The following PNPLA7 variants were observed in gnomAD, a reference collection of about 807,000 sequenced individuals.
The protein encoded by PNPLA7 is patatin-like phospholipase domain-containing protein 7.
A neutral mutation model predicts 161.7 loss-of-function variants in PNPLA7; 153 were observed. That is an observed-to-expected ratio of 0.95 (90% CI 0.83 to 1.08). The LOEUF is 1.08. Among genes scored for constraint, PNPLA7 ranks in the 50% least tolerant of loss-of-function variants. PNPLA7 has a pLI of 0.00. For missense variants in PNPLA7, 1,739 were observed against 1,856.6 expected (o/e 0.94, Z 1.16); for synonymous variants, 809 against 782.1 (o/e 1.03, Z -0.57).
At position 137,490,255 on chromosome 9, in the gene PNPLA7, G is replaced by A. The variant is rs754809845; in HGVS notation, c.2197+2758C>T. 6.6e-6 allele frequency among the ~76,000 whole-genome samples: 1 copy of A among 152,096 alleles called. No homozygotes were observed. The highest frequency in any genetic ancestry group is 1.5e-5 in the Non-Finnish European group (1 of 68,024). ...ACGACAGGTGTGTGCTAACATGCCT[G>A]GATCATTTTTCAAATTTTATTCATA... is the stretch of plus-strand genomic sequence containing the variant. On this transcript the variant is annotated intron_variant, in intron 20 of 34. Transcript: ENST00000406427. The surrounding 1 kb of genome is among the most constrained non-coding windows in gnomAD (Gnocchi z 4.1).
intron 18 of PNPLA7, among the ~76,000 whole-genome samples, chr9:137,495,690 G>A (rs569215321): frequency 2.6e-5 from 4 of 152,244 alleles, no homozygotes; most frequent in African/African-American, 4.8e-5. Flanking sequence ...ATGGTCCGCC[G>A]CCTCGGCCTC....
At chr9:137,532,706 G>C (rs146499188) in intron 8 of PNPLA7, among the ~76,000 whole-genome samples, 1 of 152,146 alleles carries the variant, frequency 6.6e-6, no homozygotes, top group African/African-American at 2.4e-5. Context: ...GCCAGAACGA[G>C]GCTAACATGC....
At chr9:137,507,316 T>A (rs1279205977) in intron 12 of PNPLA7, among the ~76,000 whole-genome samples, 1 of 152,234 alleles carries the variant, frequency 6.6e-6, no homozygotes, top group Admixed American at 6.5e-5. Flanking sequence ...GCAGCCCCTT[T>A]ACCTGGCTGC....
chr9:137,505,903 G>T, intron 13 of PNPLA7, 80 bp downstream of exon 13: 1 of 1,532,722 alleles, frequency 6.5e-7, no homozygotes, highest in Non-Finnish European at 8.9e-7. Context: ...CACCAAAGCC[G>T]GCGGCGCCCC....
In PNPLA7 at chr9:137,479,083, G is replaced by C. The variant is rs1009611504; in HGVS notation, c.2736C>G (p.Val912=). ...GCTTGGGCAGGCTCCTCCTGGAGAA[G>C]ACGCGGCGCGGGCAGCAGAGGTGCA... ...GHLHLCCPRR[V]FSRRSLPKLV... The change falls in exon 24 of 35, where the codon GTC becomes GTG. Residue 912 remains valine (V), a synonymous_variant. Transcript: ENST00000406427. 1.3e-6 allele frequency: 2 copies of C among 1,595,496 alleles called. No individual in the cohort carries two copies. The highest frequency in any genetic ancestry group is 1.7e-6 in the Non-Finnish European group (2 of 1,170,286).
intron 1 of PNPLA7, among the ~76,000 whole-genome samples, chr9:137,549,569 CAAA>C (rs57732454): frequency 2.1e-5 from 2 of 96,048 alleles, no homozygotes; most frequent in Admixed American, 1.1e-4. Context: ...GACTCCGTCT[CAAA>C]AAAAAAAAAA....
rs1190311222 is a variant in PNPLA7 at position 137,524,497 on chromosome 9, C to G, written c.748-1640G>C. 6.6e-6 allele frequency among the ~76,000 whole-genome samples: 1 copy of G among 152,228 alleles called. No individual in the cohort carries two copies. ...ATATTTGTGTTGTTTCCACTGGGGA[C>G]AATTCTAAATAAAGCTGCTTGATAA... On this transcript the variant is annotated intron_variant, in intron 8 of 34. Coordinates refer to ENST00000406427, the MANE Select transcript of PNPLA7 (RefSeq NM_001098537.3). This position sits in a 1 kb window ranked among gnomAD's most constrained non-coding sequence, Gnocchi z 4.4.
intron 14 of PNPLA7, among the ~76,000 whole-genome samples, chr9:137,505,297 C>T (rs1245106067): frequency 6.6e-6 from 1 of 150,546 alleles, no homozygotes; most frequent in Non-Finnish European, 1.5e-5. Context: ...TAAAGTGAAG[C>T]TGGGAAAATG....
intron 11 of PNPLA7, among the ~76,000 whole-genome samples, chr9:137,516,762 G>A (rs921202427): frequency 1.3e-5 from 2 of 151,742 alleles, no homozygotes; most frequent in African/African-American, 2.4e-5. Flanking sequence ...GGGTGGCAGT[G>A]AGCCAGTACC....
In PNPLA7 at chr9:137,495,162, G is replaced by A. The variant is rs752582826; in HGVS notation, c.2014-16C>T. The A allele has an allele frequency of 1.8e-5, 28 of 1,571,638 alleles. No individual in the cohort carries two copies. The highest frequency in any genetic ancestry group is 1.4e-4 in the East Asian group (6 of 44,302). On this transcript the variant is annotated splice_polypyrimidine_tract_variant and intron_variant, in intron 18 of 34. Transcript: ENST00000406427. ...GTGTCTCCACCTGAGGACAGGAGCC[G>A]GCTGCTGGGGCCGCGGGCTTGGGAG...
chr9:137,513,998 G>A (rs542480604), intron 12 of PNPLA7, among the ~76,000 whole-genome samples: 68 of 152,384 alleles, frequency 4.5e-4, no homozygotes, highest in African/African-American at 1.5e-3. Flanking sequence ...CTGCACTGCC[G>A]GGCAGGATGG....
intron 14 of PNPLA7, among the ~76,000 whole-genome samples, chr9:137,502,631 C>CG (rs1327269140): frequency 1.8e-5 from 1 of 54,666 alleles, no homozygotes; most frequent in Non-Finnish European, 3.6e-5. Context: ...GAGAAGAAAG[C>CG]GGCCTCCCTG....
Position 137,495,524 on chromosome 9 carries a change from A to G in PNPLA7, c.2014-378T>C, listed in dbSNP as rs542579959. On this transcript the variant is annotated intron_variant, in intron 18 of 34. Coordinates refer to ENST00000406427, the MANE Select transcript of PNPLA7 (RefSeq NM_001098537.3). ...AGTGGTGCGATCTCGGCTCACTGCA[A>G]GCTCCACCTCCTGGGTTCACGCCAT... is the stretch of plus-strand genomic sequence containing the variant. Among the ~76,000 whole-genome samples the G allele has an allele frequency of 1.2e-3, 178 of 151,854 alleles. 1 individual carries two copies. Among genetic ancestry groups the G allele is most frequent in the African/African-American group, 4.1e-3 (169 of 41,394 alleles).
At chr9:137,491,172 A>G (rs572529323) in intron 20 of PNPLA7, among the ~76,000 whole-genome samples, 3 of 152,206 alleles carry the variant, frequency 2.0e-5, no homozygotes, top group Non-Finnish European at 2.9e-5. Flanking sequence ...GGGGGGGGGA[A>G]TCACTTGACC....
At chr9:137,478,665 A>G (rs1832054985) in intron 24 of PNPLA7, 1 of 187,614 alleles carries the variant, frequency 5.3e-6, no homozygotes, top group African/African-American at 2.3e-5. Flanking sequence ...GGACACCCTC[A>G]TCAGCTGGAT....
chr9:137,481,057 T>A (rs1399639499), intron 21 of PNPLA7, 34 bp from the exon 22 acceptor site: 2 of 1,550,116 alleles, frequency 1.3e-6, no homozygotes, highest in African/African-American at 2.7e-5. Context: ...GGAGCCTGCC[T>A]GGGCAGCCCA....
chr9:137,542,958 A>C (rs1015744596), intron 6 of PNPLA7, among the ~76,000 whole-genome samples, 157 bp from the exon 7 acceptor site: 2 of 152,206 alleles, frequency 1.3e-5, no homozygotes, highest in African/African-American at 4.8e-5. Flanking sequence ...ATTACTGCCA[A>C]ACACAACCGT....
At position 137,463,033 on chromosome 9, in the gene PNPLA7, C is replaced by T. The variant is rs41309972; in HGVS notation, c.3344-200G>A. Reference sequence around the variant, plus strand: ...CGGCTGTGTCCTGGGCCTTTCTGACCGTATATCCCACAGGTGACAGGAGTG... The same window carrying T: ...CGGCTGTGTCCTGGGCCTTTCTGACTGTATATCCCACAGGTGACAGGAGTG... On this transcript the variant is annotated intron_variant, in intron 29 of 34. Coordinates refer to ENST00000406427, the MANE Select transcript of PNPLA7 (RefSeq NM_001098537.3). 2.3e-5 allele frequency: 17 copies of T among 737,316 alleles called. 1 individual carries two copies. The Admixed American group carries it at 2.3e-4, about 10-fold the overall frequency. 45.7% of individuals were successfully genotyped at this position (737,316 alleles called of 1,614,324 possible). A position where few individuals can be genotyped will look rare whatever the true frequency, so the allele number is the denominator to read the frequency against.
In PNPLA7 at chr9:137,499,748, C is replaced by T. The variant is rs374949918; in HGVS notation, c.1757+943G>A. ...TCCCCAGGCTGAAGCAGCAACGGCG[C>T]GGTGCCATTTGCTGGATTACAGGCG... On this transcript the variant is annotated intron_variant, in intron 16 of 34. Transcript: ENST00000406427. The surrounding 1 kb of genome is among the most constrained non-coding windows in gnomAD (Gnocchi z 5.5). Among the ~76,000 whole-genome samples the T allele has an allele frequency of 3.3e-5, 5 of 152,236 alleles. No individual in the cohort carries two copies. The highest frequency in any genetic ancestry group is 1.9e-4 in the East Asian group (1 of 5,202).
Sources: allele counts gnomAD v4.1 joint callset (sites outside exome capture counted in the v4.1 genomes callset), GRCh38; gene constraint gnomAD v4.1.1; non-coding constraint Gnocchi (gnomAD v3.1); transcripts MANE v1.5; gene names NCBI Gene and HGNC (gene_info 2026-07-23, HGNC 2026-07-21).